Variants in YIF1A observed in about 807,000 individuals in gnomAD.
YIF1A encodes the protein Yip1 interacting factor homolog A, membrane trafficking protein, also known as protein YIF1A.
Under a neutral mutation model 32.6 loss-of-function variants are expected in YIF1A, and 28 were observed. That is an observed-to-expected ratio of 0.86 (90% CI 0.64 to 1.18). The LOEUF is 1.18. Ranked by LOEUF, YIF1A falls within the 50% of genes most tolerant of loss-of-function variation. The probability of loss-of-function intolerance (pLI) is 0.00; values close to 1 mark genes in which losing one functional copy is unlikely to be tolerated. For missense variants in YIF1A, 373 were observed against 390.8 expected (o/e 0.95, Z 0.38); for synonymous variants, 175 against 162.2 (o/e 1.08, Z -0.60).
Position 66,284,736 on chromosome 11 carries a change from G to A in YIF1A, c.783C>T (p.Gly261=), listed in dbSNP as rs780655415. ...TAALGPDSMG[G]PVPRQRLQLY... Reference sequence around the variant, plus strand: ...GCTGGAGACGCTGCCGGGGGACGGGGCCCCCCATGCTGTCGGGGCCCAGGG... The same window carrying A: ...GCTGGAGACGCTGCCGGGGGACGGGACCCCCCATGCTGTCGGGGCCCAGGG... Residue 261 remains glycine (G), a synonymous_variant, in exon 8 of 8, where the codon GGC becomes GGT. Transcript: ENST00000376901. 6.2e-7 allele frequency: 1 copy of A among 1,612,116 alleles called. No individual in the cohort carries two copies. Among genetic ancestry groups the A allele is most frequent in the Non-Finnish European group, 8.5e-7 (1 of 1,179,678 alleles).
At chr11:66,288,877 T>C (rs1857407959) in intron 1 of YIF1A, 78 bp downstream of exon 1, 5 of 1,407,380 alleles carry the variant, frequency 3.6e-6, no homozygotes, top group African/African-American at 1.5e-5. Context: ...CCAGTCGCTA[T>C]CTCCCTCGGG....
intron 6 of YIF1A, 158 bp downstream of exon 6, chr11:66,285,223 C>T (rs530374667): frequency 1.1e-5 from 13 of 1,176,972 alleles, no homozygotes; most frequent in African/African-American, 4.6e-5. Context: ...CTGCATGGCA[C>T]GCAGATCCTC....
At chr11:66,288,912 TC>T (rs529120066) in intron 1 of YIF1A, 42 bp downstream of exon 1, 6 of 1,449,964 alleles carry the variant, frequency 4.1e-6, no homozygotes, top group Admixed American at 5.9e-5. Flanking sequence ...CCGCCGACTC[TC>T]CCCCCGCCGG....
intron 4 of YIF1A, 195 bp downstream of exon 4, chr11:66,287,403 G>A (rs889044166): frequency 3.1e-6 from 2 of 636,462 alleles, no homozygotes; most frequent in Admixed American, 5.2e-5. Context: ...TGGGGACACT[G>A]AAGGCGCATT....
Position 66,289,040 on chromosome 11 carries a change from T to C in YIF1A, c.-55A>G. 6.4e-7 allele frequency: 1 copy of C among 1,550,988 alleles called. No individual in the cohort carries two copies. The highest frequency in any genetic ancestry group is 1.8e-4 in the Middle Eastern group (1 of 5,476). On this transcript the variant is annotated 5_prime_UTR_variant, in exon 1 of 8. Coordinates refer to ENST00000376901, the MANE Select transcript of YIF1A (RefSeq NM_020470.3). ...CGCTGCGCCGCCTCGTGGGTACGAA[T>C]ACTAATGAGGCAGCTGCTCCGCGCC...
intron 4 of YIF1A, 47 bp downstream of exon 4, chr11:66,287,551 C>T (rs768965574): frequency 7.7e-6 from 12 of 1,558,750 alleles, no homozygotes; most frequent in South Asian, 1.2e-5. Context: ...CACAAGTCCC[C>T]CCCGACCCCA....
Position 66,289,128 on chromosome 11 carries a change from C to G in YIF1A, c.-143G>C. The G allele has an allele frequency of 2.4e-6, 3 of 1,264,986 alleles. No homozygotes were observed. The highest frequency in any genetic ancestry group is 2.1e-6 in the Non-Finnish European group (2 of 970,112). 78.4% of individuals were successfully genotyped at this position (1,264,986 alleles called of 1,614,324 possible). On this transcript the variant is annotated 5_prime_UTR_variant, in exon 1 of 8. Coordinates refer to ENST00000376901, the MANE Select transcript of YIF1A (RefSeq NM_020470.3). ...TCCCCCACCCCGCCGGTCTCGGCCA[C>G]CATGTCCGTGGCGTCATCCCCCGCG...
intron 6 of YIF1A, 129 bp from the exon 7 acceptor site, chr11:66,285,095 A>G (rs1857332956): frequency 9.7e-7 from 1 of 1,031,986 alleles, no homozygotes; most frequent in African/African-American, 1.6e-5. Flanking sequence ...ATCTGTCCCC[A>G]CAGGGACCCA....
rs550193967 is a variant in YIF1A at position 66,285,067 on chromosome 11, C to T, written c.642-101G>A. 9.1e-5 allele frequency: 112 copies of T among 1,226,958 alleles called. 1 individual carries two copies. The Middle Eastern group carries it at 2.4e-3, about 26-fold the overall frequency. The allele number at this position is 1,226,958 out of a possible 1,614,324, so 76.0% of individuals were successfully genotyped here. The stretch of plus-strand genomic sequence containing the variant: ...GAGCCCAGCTAGACCCCACCTCCCA[C>T]AGCACCTTTTACTCTCAATCTGTCC... On this transcript the variant is annotated intron_variant, in intron 6 of 7. Transcript: ENST00000376901.
At chr11:66,285,223 C>A (rs530374667) in intron 6 of YIF1A, 158 bp downstream of exon 6, 2 of 1,176,976 alleles carry the variant, frequency 1.7e-6, no homozygotes, top group African/African-American at 1.5e-5. Context: ...CTGCATGGCA[C>A]GCAGATCCTC....
In YIF1A at chr11:66,287,633, CG is replaced by C. The variant is rs761507279; in HGVS notation, c.391del (p.Arg131GlyfsTer50). 3 of 1,613,336 alleles carry C rather than the reference CG, an allele frequency of 1.9e-6. No homozygotes were observed. Among genetic ancestry groups the C allele is most frequent in the Non-Finnish European group, 2.5e-6 (3 of 1,179,898 alleles). On this transcript the variant is annotated frameshift_variant, in exon 4 of 8. Transcript: ENST00000376901. LOFTEE classifies it high-confidence loss of function. ...QYSRDAPLPP[R>X]QDLNAPDLYI... ...GAGGTCAGGGGCGTTGAGGTCTTGC[CG>C]GGGGGGCAGAGGAGCATCACGACTG...
chr11:66,288,829 C>G (rs1171829213), intron 1 of YIF1A, 126 bp downstream of exon 1: 3 of 1,118,776 alleles, frequency 2.7e-6, no homozygotes, highest in Non-Finnish European at 3.6e-6. Flanking sequence ...TTACGAGGGG[C>G]AGGAACCCGA....
intron 1 of YIF1A, 51 bp downstream of exon 1, chr11:66,288,904 G>A (rs1291532354): frequency 1.1e-5 from 16 of 1,442,108 alleles, no homozygotes; most frequent in South Asian, 2.8e-5. Flanking sequence ...GGGCCACGCC[G>A]CCGACTCTCC....
chr11:66,285,961 C>A (rs1857350566), intron 4 of YIF1A, among the ~76,000 whole-genome samples: 1 of 152,272 alleles, frequency 6.6e-6, no homozygotes, highest in South Asian at 2.1e-4. Flanking sequence ...GCCACCTGAC[C>A]CTTCTTCCAG....
At chr11:66,288,841 T>A in intron 1 of YIF1A, 114 bp downstream of exon 1, 1 of 1,233,254 alleles carries the variant, frequency 8.1e-7, no homozygotes, top group Non-Finnish European at 1.1e-6. Flanking sequence ...GGAACCCGAG[T>A]GACACCCCCG....
At position 66,289,085 on chromosome 11, in the gene YIF1A, AC is replaced by A; in HGVS notation, c.-101del. On this transcript the variant is annotated 5_prime_UTR_variant, in exon 1 of 8. An upstream open reading frame in the 5' UTR loses its in-frame stop. Coordinates refer to ENST00000376901, the MANE Select transcript of YIF1A (RefSeq NM_020470.3). ...CGCGCCCAGGGTACCGACCGAGGCC[AC>A]CCGGCCGCGCGACACGTCCCCCACC... 7.0e-7 allele frequency: 1 copy of A among 1,425,596 alleles called. No individual in the cohort carries two copies. Among genetic ancestry groups the A allele is most frequent in the Admixed American group, 2.7e-5 (1 of 37,380 alleles). The allele number at this position is 1,425,596 out of a possible 1,614,324, so 88.3% of individuals were successfully genotyped here.
chr11:66,289,016 G>T lies in YIF1A; in HGVS notation c.-31C>A. 6.4e-7 allele frequency: 1 copy of T among 1,572,746 alleles called. No individual in the cohort carries two copies. ...CGACGCTCGCTGTCCCCGAGGGCCC[G>T]CTGCGCCGCCTCGTGGGTACGAATA... On this transcript the variant is annotated 5_prime_UTR_variant, in exon 1 of 8. Coordinates refer to ENST00000376901, the MANE Select transcript of YIF1A (RefSeq NM_020470.3).
chr11:66,285,165 C>T (rs57579741), intron 6 of YIF1A, 199 bp from the exon 7 acceptor site: 108,967 of 890,008 alleles, frequency 0.12, 8,163 homozygotes, highest in Admixed American at 0.29. Flanking sequence ...CTGAGACCCC[C>T]TTCTCTCCCC....
Position 66,288,106 on chromosome 11 carries a change from TG to T in YIF1A, c.217del (p.His73MetfsTer16). 6.2e-7 allele frequency: 1 copy of T among 1,613,756 alleles called. No homozygotes were observed. Among genetic ancestry groups the T allele is most frequent in the African/African-American group, 1.3e-5 (1 of 75,010 alleles). ...CTCCTTGTGCACCATGTCCTTCCCA[TG>T]GGATGCGATGGAGCTGCCATAGGCC... ...AMAYGSSIAS[H>X]GKDMVHKELH... On this transcript the variant is annotated frameshift_variant, in exon 2 of 8. Transcript: ENST00000376901. LOFTEE classifies it high-confidence loss of function.
Sources: allele counts gnomAD v4.1 joint callset (sites outside exome capture counted in the v4.1 genomes callset), GRCh38; gene constraint gnomAD v4.1.1; transcripts MANE v1.5; gene names NCBI Gene and HGNC (gene_info 2026-07-23, HGNC 2026-07-21).